Variants in MTMR3 observed in about 807,000 individuals in gnomAD.
MTMR3 encodes the protein phosphatidylinositol-3,5-bisphosphate 3-phosphatase MTMR3.
Under a neutral mutation model 132.4 loss-of-function variants are expected in MTMR3, and 32 were observed. The observed-to-expected ratio is 0.24, with a 90% CI of 0.18 to 0.32. MTMR3 has a LOEUF of 0.32. MTMR3 is among the 10% of genes least tolerant of loss of function. The pLI is 1.00. For synonymous variants in MTMR3, 556 were observed against 550.3 expected (o/e 1.01, Z -0.14); for missense variants, 1,216 against 1,489.6 (o/e 0.82, Z 3.02).
chr22:30,026,238 AC>A lies in MTMR3; in HGVS notation c.*438del, dbSNP rs2067908930. 1 of 170,044 alleles carries A rather than the reference AC, an allele frequency of 5.9e-6. No individual in the cohort carries two copies. Among genetic ancestry groups the A allele is most frequent in the African/African-American group, 2.4e-5 (1 of 41,852 alleles). 10.5% of individuals were successfully genotyped at this position (170,044 alleles called of 1,614,324 possible). On this transcript the variant is annotated 3_prime_UTR_variant, in exon 20 of 20. Transcript: ENST00000401950. Reference sequence around the variant, plus strand: ...CAGTGCTAACATGCAACCATTCCTCACGCCACCGCCACATCAGAGCTGGTTG... The same window carrying A: ...CAGTGCTAACATGCAACCATTCCTCAGCCACCGCCACATCAGAGCTGGTTG...
Position 30,028,595 on chromosome 22 carries a change from G to A in MTMR3, c.*2794G>A, listed in dbSNP as rs919928888. 1.3e-5 allele frequency: 2 copies of A among 152,470 alleles called. No individual in the cohort carries two copies. Among genetic ancestry groups the A allele is most frequent in the Non-Finnish European group, 2.9e-5 (2 of 68,134 alleles). 9.4% of individuals were successfully genotyped at this position (152,470 alleles called of 1,614,324 possible). Reference sequence around the variant, plus strand: ...CCCTCGGGAAGGTTGGTATTGAGGGGTGCCTTGCTCCAGAGGCGCCAGCCC... The same window carrying A: ...CCCTCGGGAAGGTTGGTATTGAGGGATGCCTTGCTCCAGAGGCGCCAGCCC... On this transcript the variant is annotated 3_prime_UTR_variant, in exon 20 of 20. Transcript: ENST00000401950.
chr22:29,982,937 T>TGTGTGTGTGTGTG (rs2066780516), intron 5 of MTMR3: 6 of 146,280 alleles, frequency 4.1e-5, no homozygotes, highest in African/African-American at 1.5e-4. Context: ...AAAAGTTTGT[T>TGTGTGTGTGTGTG]TGTGTGTGTG....
chr22:29,886,818 G>A (rs2064686835), intron 1 of MTMR3, among the ~76,000 whole-genome samples: 3 of 152,222 alleles, frequency 2.0e-5, no homozygotes, highest in Admixed American at 2.0e-4. Flanking sequence ...AATCAAATTG[G>A]GTTTTACATT....
chr22:29,916,097 A>G (rs982702964), intron 1 of MTMR3, among the ~76,000 whole-genome samples: 5 of 152,210 alleles, frequency 3.3e-5, no homozygotes, highest in African/African-American at 1.2e-4. Flanking sequence ...AAAATCCATA[A>G]TTCAACGTTA....
In MTMR3 at chr22:29,970,964, C is replaced by T; in HGVS notation, c.-84-12C>T. On this transcript the variant is annotated splice_polypyrimidine_tract_variant and intron_variant, in intron 2 of 19. Coordinates refer to ENST00000401950, the MANE Select transcript of MTMR3 (RefSeq NM_021090.4). ...TTTTTTTCTTCTTCCCCCTCTTCCCCCCCACCCCCAGACTTCACCATAAGG... is the reference window on the plus strand; with the variant it reads ...TTTTTTTCTTCTTCCCCCTCTTCCCTCCCACCCCCAGACTTCACCATAAGG... 1 of 914,256 alleles carries T rather than the reference C, an allele frequency of 1.1e-6. No homozygotes were observed. The highest frequency in any genetic ancestry group is 2.6e-5 in the South Asian group (1 of 38,738). 56.6% of individuals were successfully genotyped at this position (914,256 alleles called of 1,614,324 possible).
chr22:29,890,893 G>T (rs1568991771), intron 1 of MTMR3, among the ~76,000 whole-genome samples: 1 of 152,074 alleles, frequency 6.6e-6, no homozygotes, highest in East Asian at 1.9e-4. Flanking sequence ...ATGGTTCTGT[G>T]GTCCCATCTA....
chr22:29,978,347 A>T, intron 3 of MTMR3, 95 bp from the exon 4 acceptor site: 1 of 897,152 alleles, frequency 1.1e-6, no homozygotes, highest in Non-Finnish European at 1.7e-6. Flanking sequence ...TGGTCTTTGT[A>T]CTTTCATTGT....
intron 1 of MTMR3, among the ~76,000 whole-genome samples, chr22:29,955,847 G>A (rs1346537410): frequency 1.3e-5 from 2 of 152,172 alleles, no homozygotes; most frequent in Non-Finnish European, 2.9e-5. Context: ...CACCTCCCGG[G>A]TTTGAGTGAT....
At chr22:29,895,207 CA>C (rs150650028) in intron 1 of MTMR3, among the ~76,000 whole-genome samples, 15,386 of 147,552 alleles carry the variant, frequency 0.1, 799 homozygotes, top group Middle Eastern at 0.14. Context: ...GACTCCATCT[CA>C]AAAAAAAAAG....
At chr22:29,984,849 A>C (rs567413870) in intron 5 of MTMR3, 1 of 152,336 alleles carries the variant, frequency 6.6e-6, no homozygotes, top group South Asian at 2.1e-4. Flanking sequence ...ACTAAAGTAG[A>C]GCTCATATGG....
At chr22:30,017,408 T>G (rs902707501) in intron 15 of MTMR3, 9 of 157,116 alleles carry the variant, frequency 5.7e-5, no homozygotes, top group Non-Finnish European at 1.4e-5. Flanking sequence ...CAGAAAAGAT[T>G]TAAGCTGACT....
Position 30,025,798 on chromosome 22 carries a change from C to A in MTMR3, c.3594C>A (p.Asn1198Lys). Residue 1198 changes from asparagine (N) to lysine (K), a missense_variant, in exon 20 of 20, where the codon AAC (asparagine) becomes AAA (lysine). Asn to Lys is a moderately conservative substitution (Grantham distance 94). This residue lies in a region of MTMR3 where 852 missense variants were observed against 852.0 expected (regional missense o/e 1.00). Coordinates refer to ENST00000401950, the MANE Select transcript of MTMR3 (RefSeq NM_021090.4). ...ELDKPIAATSN is the reference protein window; with the variant it reads ...ELDKPIAATSK Reference sequence around the variant, plus strand: ...ATAAGCCCATTGCTGCCACTTCCAACTGAAGCTCAGTGACCTGGGTGGGCA... The same window carrying A: ...ATAAGCCCATTGCTGCCACTTCCAAATGAAGCTCAGTGACCTGGGTGGGCA... 6.2e-7 allele frequency: 1 copy of A among 1,613,972 alleles called. No homozygotes were observed. Among genetic ancestry groups the A allele is most frequent in the Non-Finnish European group, 8.5e-7 (1 of 1,180,016 alleles).
At chr22:29,958,833 C>T (rs1237898722) in intron 2 of MTMR3, among the ~76,000 whole-genome samples, 2 of 152,194 alleles carry the variant, frequency 1.3e-5, no homozygotes, top group African/African-American at 4.8e-5. Context: ...CCTGGGATAC[C>T]AATGCCTTCT....
chr22:29,976,168 G>T (rs1377139528), intron 3 of MTMR3, among the ~76,000 whole-genome samples: 2 of 149,918 alleles, frequency 1.3e-5, no homozygotes, highest in East Asian at 2.0e-4. Context: ...TCACTTTAAA[G>T]ATAAAAGTTG....
intron 2 of MTMR3, among the ~76,000 whole-genome samples, chr22:29,957,693 G>T (rs1053023935): frequency 6.6e-6 from 1 of 151,918 alleles, no homozygotes; most frequent in African/African-American, 2.4e-5. Flanking sequence ...ATTCAAACTT[G>T]CTTCTTGTTT....
intron 16 of MTMR3, chr22:30,018,499 T>A (rs919283590): frequency 6.3e-6 from 1 of 157,484 alleles, no homozygotes; most frequent in African/African-American, 2.4e-5. Flanking sequence ...CCCAGCACTT[T>A]GGGAGGCCAA....
At chr22:29,981,873 A>C (rs1175583005) in intron 5 of MTMR3, 1 of 151,100 alleles carries the variant, frequency 6.6e-6, no homozygotes, top group African/African-American at 2.4e-5. Flanking sequence ...TGTACAGAAA[A>C]ATGATGGTGT....
At chr22:29,966,769 G>GTC (rs1555908249) in intron 2 of MTMR3, among the ~76,000 whole-genome samples, 32 of 138,860 alleles carry the variant, frequency 2.3e-4, no homozygotes, top group South Asian at 2.1e-3. Context: ...GTGTGTGTGT[G>GTC]TGTCTGTCTC....
intron 3 of MTMR3, among the ~76,000 whole-genome samples, chr22:29,977,275 G>T (rs1009202350): frequency 1.4e-4 from 21 of 152,210 alleles, no homozygotes; most frequent in African/African-American, 5.1e-4. Context: ...ATGGGTGACA[G>T]AGCAAAACCC....
Sources: allele counts gnomAD v4.1 joint callset (sites outside exome capture counted in the v4.1 genomes callset), GRCh38; gene constraint gnomAD v4.1.1; regional missense constraint gnomAD v4.1.1; transcripts MANE v1.5; gene names NCBI Gene and HGNC (gene_info 2026-07-23, HGNC 2026-07-21).